Variants in NAV1 observed in about 807,000 individuals in gnomAD.
The protein encoded by NAV1 is pore membrane and/or filament interacting like protein 3.
Under a neutral mutation model 175.2 loss-of-function variants are expected in NAV1, and 18 were observed. That is an observed-to-expected ratio of 0.10 (90% confidence interval 0.07 to 0.15). NAV1 has a LOEUF of 0.15. Ranked by LOEUF, NAV1 falls within the 10% of genes least tolerant of loss-of-function variation. The probability of loss-of-function intolerance (pLI) is 1.00; values close to 1 mark genes in which losing one functional copy is unlikely to be tolerated. For synonymous variants in NAV1, 897 were observed against 978.7 expected, an observed-to-expected ratio of 0.92 and a Z score of 1.56; for missense variants, 1,731 against 2,436.6, an observed-to-expected ratio of 0.71 and a Z score of 6.10.
At chr1:201,576,018 A>G (rs778058038) in intron 1 of NAV1, among the ~76,000 whole-genome samples, 37 of 152,326 alleles carry the variant, frequency 2.4e-4, no homozygotes, top group Non-Finnish European at 1.0e-4. Context: ...CCCTTTACCC[A>G]GCTTCCCCCA....
intron 1 of NAV1, among the ~76,000 whole-genome samples, chr1:201,576,435 G>A (rs1015294182): frequency 1.3e-5 from 2 of 152,086 alleles, no homozygotes; most frequent in African/African-American, 2.4e-5. Context: ...TCTCCAGTTT[G>A]GGGCTATTAA....
intron 2 of NAV1, among the ~76,000 whole-genome samples, chr1:201,590,968 C>T (rs1027961566): frequency 6.6e-6 from 1 of 152,164 alleles, no homozygotes; most frequent in African/African-American, 2.4e-5. Context: ...CTCATTTTAT[C>T]GTTCAGCATA....
chr1:201,582,655 G>A (rs1218565535), intron 1 of NAV1, among the ~76,000 whole-genome samples: 2 of 152,234 alleles, frequency 1.3e-5, no homozygotes, highest in African/African-American at 2.4e-5. Flanking sequence ...AGAGGCCAAG[G>A]GGTGAGGAAA....
intron 3 of NAV1, among the ~76,000 whole-genome samples, chr1:201,761,834 A>G (rs550407810): frequency 5.9e-5 from 9 of 151,782 alleles, no homozygotes; most frequent in African/African-American, 2.2e-4. Context: ...TTCTTTTCCA[A>G]CCTCTTCCTT....
At chr1:201,781,358 G>C in intron 5 of NAV1, 49 bp downstream of exon 9, 1 of 1,506,278 alleles carries the variant, frequency 6.6e-7, no homozygotes. Flanking sequence ...TAGTTCTTTG[G>C]TTGCTCCTCT....
chr1:201,667,204 G>T (rs930066272), intron 1 of NAV1, among the ~76,000 whole-genome samples: 4 of 152,214 alleles, frequency 2.6e-5, no homozygotes, highest in Non-Finnish European at 5.9e-5. Flanking sequence ...ATCACCTGGG[G>T]CTCCCCTGAC....
At chr1:201,789,493 G>C (rs1676970806) in intron 10 of NAV1, among the ~76,000 whole-genome samples, 2 of 152,134 alleles carry the variant, frequency 1.3e-5, no homozygotes, top group Admixed American at 6.6e-5. Context: ...GTGCCCCTCA[G>C]AGCGGGCTAA....
intron 3 of NAV1, among the ~76,000 whole-genome samples, chr1:201,768,517 A>G (rs1465866981): frequency 6.6e-6 from 1 of 151,954 alleles, no homozygotes; most frequent in Non-Finnish European, 1.5e-5. Flanking sequence ...GCGCACATGT[A>G]GTCCCAGCTA....
intron 1 of NAV1, among the ~76,000 whole-genome samples, chr1:201,628,285 G>A (rs1032029620): frequency 6.6e-6 from 1 of 152,048 alleles, no homozygotes; most frequent in African/African-American, 2.4e-5. Flanking sequence ...AGGGGCCTGA[G>A]ATACAAAAGA....
intron 3 of NAV1, among the ~76,000 whole-genome samples, chr1:201,751,847 G>A (rs182488621): frequency 5.8e-4 from 88 of 152,292 alleles, no homozygotes; most frequent in Middle Eastern, 6.8e-3. Context: ...CCTGTGTATG[G>A]TTTGTTTCTC....
At chr1:201,560,933 T>C (rs1666178180) in intron 1 of NAV1, among the ~76,000 whole-genome samples, 1 of 152,234 alleles carries the variant, frequency 6.6e-6, no homozygotes, top group Non-Finnish European at 1.5e-5. Flanking sequence ...ATAGTCAGCA[T>C]TTCCGTTGCA....
chr1:201,791,564 C>A (rs981130393), intron 13 of NAV1: 7 of 152,254 alleles, frequency 4.6e-5, no homozygotes, highest in African/African-American at 1.7e-4. Context: ...TCTGCAGGAG[C>A]TTTCCAAGTG....
intron 2 of NAV1, among the ~76,000 whole-genome samples, chr1:201,599,676 C>T (rs1015136837): frequency 4.6e-5 from 7 of 152,166 alleles, no homozygotes; most frequent in African/African-American, 1.7e-4. Context: ...GGAGGGGGAA[C>T]CATCAGGCAG....
Position 201,809,872 on chromosome 1 carries a change from T to C in NAV1, c.4402-74T>C, listed in dbSNP as rs539376985. On this transcript the variant is annotated intron_variant, in intron 22 of 29. Transcript: ENST00000367296. Reference sequence around the variant, plus strand: ...CTCCATCTATTTCTGTTTCCTCTGATAGACATTCTTTGTTGTGGCTTTTAC... The same window carrying C: ...CTCCATCTATTTCTGTTTCCTCTGACAGACATTCTTTGTTGTGGCTTTTAC... 20 of 1,377,264 alleles carry C rather than the reference T, an allele frequency of 1.5e-5. No homozygotes were observed. In the South Asian group the frequency reaches 1.8e-4, roughly 12 times the overall value. The allele number at this position is 1,377,264 out of a possible 1,614,324, so 85.3% of individuals were successfully genotyped here. A position where few individuals can be genotyped will look rare whatever the true frequency, so the allele number is the denominator to read the frequency against.
Position 201,759,453 on chromosome 1 carries a change from G to A in NAV1, c.1227-20968G>A, listed in dbSNP as rs373308451. Among the ~76,000 whole-genome samples, 4 of 152,342 alleles carry A rather than the reference G, an allele frequency of 2.6e-5. No homozygotes were observed. In the South Asian group the frequency reaches 8.3e-4, roughly 32 times the overall value. The stretch of plus-strand genomic sequence containing the variant: ...TGTCGAAAAGTATGATGCAGAGGTC[G>A]TGAGTGTTCATTAATATCGTTTGGT... On this transcript the variant is annotated intron_variant, in intron 3 of 29. Transcript: ENST00000367296.
chr1:201,594,586 A>T (rs1434530609), intron 2 of NAV1, among the ~76,000 whole-genome samples: 1 of 152,200 alleles, frequency 6.6e-6, no homozygotes, highest in Non-Finnish European at 1.5e-5. Flanking sequence ...GGTTACTCTA[A>T]AAGGATGGGG....
In NAV1 at chr1:201,569,501, G is replaced by A. The variant is rs1666466885; in HGVS notation, c.-143-19038G>A. ...GTCATGGACCCTGAGGCTGATCCTT[G>A]CATCCTTCATCTCTTCACTTTAGAG... On this transcript the variant is annotated intron_variant, in intron 1 of 33. Transcript: ENST00000685211. 2.0e-5 allele frequency among the ~76,000 whole-genome samples: 3 copies of A among 152,212 alleles called. No individual in the cohort carries two copies. The South Asian group carries it at 6.2e-4, about 32-fold the overall frequency.
In NAV1 at chr1:201,718,559, G is replaced by C. The variant is rs778700517; in HGVS notation, c.1030G>C (p.Ala344Pro). The stretch of plus-strand genomic sequence containing the variant: ...GAGCTGCCGCTCGGAGGGGACGCCC[G>C]CCTGGTACATGCACGGCGAACGGGC... Residue 344 changes from alanine (A) to proline (P), a missense_variant, in exon 3 of 30, where the codon GCC (alanine) becomes CCC (proline). Transcript: ENST00000367296. This position sits in a 1 kb window ranked among gnomAD's most constrained non-coding sequence, Gnocchi z 4.8. 6.2e-7 allele frequency: 1 copy of C among 1,613,714 alleles called. No homozygotes were observed. The highest frequency in any genetic ancestry group is 8.5e-7 in the Non-Finnish European group (1 of 1,179,906).
At chr1:201,611,735 G>A (rs1216985617) in intron 2 of NAV1, among the ~76,000 whole-genome samples, 1 of 152,216 alleles carries the variant, frequency 6.6e-6, no homozygotes, top group Non-Finnish European at 1.5e-5. Flanking sequence ...CATTTTTCCA[G>A]GGAAGCCTGT....
Sources: allele counts gnomAD v4.1 joint callset (sites outside exome capture counted in the v4.1 genomes callset), GRCh38; gene constraint gnomAD v4.1.1; non-coding constraint Gnocchi (gnomAD v3.1); transcripts MANE v1.5; gene names NCBI Gene and HGNC (gene_info 2026-07-23, HGNC 2026-07-21).